Variants in MYO1E observed in about 807,000 individuals in gnomAD.
MYO1E encodes the protein myosin IE.
A neutral mutation model predicts 151.1 loss-of-function variants in MYO1E; 68 were observed. The observed-to-expected ratio is 0.45, with a 90% CI of 0.37 to 0.55. MYO1E has a LOEUF of 0.55. Among genes scored for constraint, MYO1E ranks in the 20% least tolerant of loss-of-function variants. The probability of loss-of-function intolerance (pLI) is 0.00; values close to 1 mark genes in which losing one functional copy is unlikely to be tolerated. For missense variants in MYO1E, 1,363 were observed against 1,389.3 expected, an observed-to-expected ratio of 0.98 and a Z score of 0.30; for synonymous variants, 601 against 501.7, an observed-to-expected ratio of 1.20 and a Z score of -2.64.
At chr15:59,311,297 A>C (rs1226457589) in intron 1 of MYO1E, among the ~76,000 whole-genome samples, 2 of 152,060 alleles carry the variant, frequency 1.3e-5, no homozygotes, top group Admixed American at 6.5e-5. Context: ...CAGGCATTAG[A>C]TTCTAATAAG....
At chr15:59,288,866 G>C (rs2080403257) in intron 1 of MYO1E, among the ~76,000 whole-genome samples, 1 of 152,202 alleles carries the variant, frequency 6.6e-6, no homozygotes, top group East Asian at 1.9e-4. Context: ...GAGTTCAGCA[G>C]GCTAACCAAA....
chr15:59,271,868 C>G (rs1413624707), intron 2 of MYO1E, among the ~76,000 whole-genome samples: 1 of 152,220 alleles, frequency 6.6e-6, no homozygotes, highest in Non-Finnish European at 1.5e-5. Context: ...TCAGATACCA[C>G]GTGCATGACT....
At chr15:59,265,828 A>C (rs1035830401) in intron 2 of MYO1E, among the ~76,000 whole-genome samples, 1 of 149,180 alleles carries the variant, frequency 6.7e-6, no homozygotes, top group African/African-American at 2.5e-5. Flanking sequence ...ATTGCCAGGC[A>C]TGGTGGTCTT....
At chr15:59,195,642 ACT>A in intron 16 of MYO1E, 75 bp from the exon 17 acceptor site, 2 of 1,304,762 alleles carry the variant, frequency 1.5e-6, no homozygotes, top group South Asian at 1.2e-5. Flanking sequence ...GACTTGTAAA[ACT>A]CTCTTGTAGA....
Position 59,190,450 on chromosome 15 carries a change from C to T in MYO1E, c.1806-2234G>A, listed in dbSNP as rs191194365. ...AGCTGTCTTCCCAGTAAGGCTCTCA[C>T]AAAAACCACCATTTCCAATTAAGTC... is the stretch of plus-strand genomic sequence containing the variant. On this transcript the variant is annotated intron_variant, in intron 17 of 27. Transcript: ENST00000288235. Among the ~76,000 whole-genome samples the T allele has an allele frequency of 5.2e-3, 796 of 152,320 alleles. 4 individuals carry two copies. The highest frequency in any genetic ancestry group is 7.2e-3 in the Non-Finnish European group (490 of 68,032).
chr15:59,319,343 A>G (rs1403502289), intron 1 of MYO1E, among the ~76,000 whole-genome samples: 1 of 152,030 alleles, frequency 6.6e-6, no homozygotes, highest in East Asian at 1.9e-4. Flanking sequence ...TAGTTCAAAC[A>G]TGAAGTTTCT....
At chr15:59,278,283 C>A (rs1395180458) in intron 1 of MYO1E, among the ~76,000 whole-genome samples, 1 of 152,174 alleles carries the variant, frequency 6.6e-6, no homozygotes, top group Non-Finnish European at 1.5e-5. Flanking sequence ...GTAGATCACC[C>A]TGAGAAGCAG....
rs764749328 is a variant in MYO1E, at chr15:59,236,724, CCCTT to C, written c.333-56_333-53del. 31 of 1,435,020 alleles carry C rather than the reference CCCTT, an allele frequency of 2.2e-5. 1 individual carries two copies. The South Asian group carries it at 2.7e-4, about 13-fold the overall frequency. The allele number at this position is 1,435,020 out of a possible 1,614,324, so 88.9% of individuals were successfully genotyped here. On this transcript the variant is annotated intron_variant, in intron 4 of 27. Coordinates refer to ENST00000288235, the MANE Select transcript of MYO1E (RefSeq NM_004998.4). ...CCTGAGAAGTGGATTGCGACCAGCT[CCCTT>C]CCTTGTCTCCCCCATCACACAAAAC...
At chr15:59,293,860 T>G (rs1361386432) in intron 1 of MYO1E, among the ~76,000 whole-genome samples, 2 of 152,052 alleles carry the variant, frequency 1.3e-5, no homozygotes, top group Non-Finnish European at 2.9e-5. Flanking sequence ...CTGGGAAACA[T>G]GGTGAAACCC....
At chr15:59,224,857 T>C in intron 7 of MYO1E, 34 bp from the exon 8 acceptor site, 2 of 1,614,022 alleles carry the variant, frequency 1.2e-6, no homozygotes, top group Non-Finnish European at 1.7e-6. Context: ...AGCCATGATG[T>C]GGACCACAAG....
chr15:59,161,544 A>G (rs1487745360), intron 23 of MYO1E, among the ~76,000 whole-genome samples: 1 of 152,196 alleles, frequency 6.6e-6, no homozygotes, highest in Non-Finnish European at 1.5e-5. Flanking sequence ...GAGGGGACAG[A>G]GGAAAGAGAC....
intron 5 of MYO1E, among the ~76,000 whole-genome samples, chr15:59,234,688 G>A (rs2080051351): frequency 6.6e-6 from 1 of 151,984 alleles, no homozygotes; most frequent in African/African-American, 2.4e-5. Flanking sequence ...CAGGCATGGT[G>A]GCACACACCT....
At chr15:59,232,480 G>T (rs1179773211) in intron 5 of MYO1E, among the ~76,000 whole-genome samples, 1 of 152,178 alleles carries the variant, frequency 6.6e-6, no homozygotes, top group Non-Finnish European at 1.5e-5. Flanking sequence ...TGGCCTGGGG[G>T]GAAGGATTTG....
intron 9 of MYO1E, among the ~76,000 whole-genome samples, chr15:59,220,975 C>T (rs1376305646): frequency 7.4e-6 from 1 of 135,536 alleles, no homozygotes; most frequent in East Asian, 2.1e-4. Flanking sequence ...ATTGATATAG[C>T]ATCATCTCAC....
intron 14 of MYO1E, chr15:59,207,327 CAA>C: frequency 6.2e-7 from 1 of 1,614,074 alleles, no homozygotes; most frequent in Non-Finnish European, 8.5e-7. Context: ...TTGTTTGTAG[CAA>C]AGATTACTTT....
At chr15:59,249,423 C>CAAAAA (rs5812966) in intron 4 of MYO1E, among the ~76,000 whole-genome samples, 1 of 132,984 alleles carries the variant, frequency 7.5e-6, no homozygotes, top group African/African-American at 2.8e-5. Context: ...GACTCTGTCT[C>CAAAAA]AAAAAAAAAA....
intron 19 of MYO1E, among the ~76,000 whole-genome samples, chr15:59,176,984 G>T (rs548604088): frequency 3.9e-5 from 6 of 152,036 alleles, no homozygotes; most frequent in Non-Finnish European, 7.4e-5. Flanking sequence ...CCCCTCCAAC[G>T]CAACTGAAGC....
At chr15:59,156,173 T>C (rs1204625969) in intron 25 of MYO1E, among the ~76,000 whole-genome samples, 2 of 152,176 alleles carry the variant, frequency 1.3e-5, no homozygotes, top group African/African-American at 2.4e-5. Flanking sequence ...ATTTTTATTT[T>C]TTAATTTATT....
At chr15:59,300,114 T>C (rs2080473015) in intron 1 of MYO1E, among the ~76,000 whole-genome samples, 1 of 152,206 alleles carries the variant, frequency 6.6e-6, no homozygotes, top group African/African-American at 2.4e-5. Context: ...AGCTACTTTA[T>C]AATTTATCAT....
Sources: gnomAD v4.1 joint callset for allele counts (sites outside exome capture counted in the v4.1 genomes callset) on GRCh38, gnomAD v4.1.1 for gene constraint, MANE v1.5 for transcripts, NCBI Gene and HGNC (gene_info 2026-07-23, HGNC 2026-07-21) for gene names.